Variants in CDC14A observed in about 807,000 individuals in gnomAD.
CDC14A encodes cell division cycle 14A.
CDC14A carries 53 observed loss-of-function variants against 74.4 expected under a neutral mutation model. The observed-to-expected ratio is 0.71, with a 90% CI of 0.57 to 0.89. The LOEUF is 0.89. CDC14A is among the 40% of genes least tolerant of loss of function. The pLI, the probability that CDC14A is intolerant of heterozygous loss-of-function variation, is 0.00. For synonymous variants in CDC14A, 247 were observed against 258.4 expected, an observed-to-expected ratio of 0.96 and a Z score of 0.43; for missense variants, 646 against 713.7, an observed-to-expected ratio of 0.91 and a Z score of 1.08.
At position 100,432,943 on chromosome 1, in the gene CDC14A, A is replaced by C. The variant is rs1462205200; in HGVS notation, c.390-6989A>C. ...TCACTCTGTTAGCAGGCTGGGGTGC[A>C]GTGGCCAAATTGTAGCTCACTGCAG... On this transcript the variant is annotated intron_variant, in intron 5 of 15. Transcript: ENST00000336454. Among the ~76,000 whole-genome samples, 4 of 152,310 alleles carry C rather than the reference A, an allele frequency of 2.6e-5. No homozygotes were observed. In the South Asian group the frequency reaches 8.3e-4, roughly 32 times the overall value.
intron 3 of CDC14A, among the ~76,000 whole-genome samples, chr1:100,386,620 A>AC (rs1281293767): frequency 6.6e-6 from 1 of 152,066 alleles, no homozygotes; most frequent in Non-Finnish European, 1.5e-5. Flanking sequence ...ACATAGTGAA[A>AC]CCCCATCTCT....
chr1:100,355,149 G>A (rs1188549218), intron 2 of CDC14A, among the ~76,000 whole-genome samples: 2 of 152,214 alleles, frequency 1.3e-5, no homozygotes, highest in African/African-American at 2.4e-5. Context: ...GTTATGTGCG[G>A]CTGTGTACCT....
At position 100,400,867 on chromosome 1, in the gene CDC14A, GT is replaced by G. The variant is rs1399805157; in HGVS notation, c.309+10052del. On this transcript the variant is annotated intron_variant, in intron 4 of 15. Transcript: ENST00000336454. ...AAGTTAAGGTGCATCAATCTTTTCA[GT>G]TTTTTTTTCTTTTTTTCTTTTGGCA... is the stretch of plus-strand genomic sequence containing the variant. Among the ~76,000 whole-genome samples the G allele has an allele frequency of 3.3e-5, 5 of 151,128 alleles. No individual in the cohort carries two copies. In the East Asian group the frequency reaches 7.8e-4, roughly 23 times the overall value.
In CDC14A at chr1:100,412,699, TA is replaced by T. The variant is rs1557731685; in HGVS notation, c.310-11522del. Reference sequence around the variant, plus strand: ...GTGGGTGAACTTCCTGTATGTTTTATATATATATATATATATATATATATTT... The same window carrying T: ...GTGGGTGAACTTCCTGTATGTTTTATTATATATATATATATATATATATTT... On this transcript the variant is annotated intron_variant, in intron 4 of 15. Coordinates refer to ENST00000336454, the MANE Select transcript of CDC14A (RefSeq NM_003672.4). Among the ~76,000 whole-genome samples, 40 of 38,330 alleles carry T rather than the reference TA, an allele frequency of 1.0e-3. 2 individuals are homozygous for T. Among genetic ancestry groups the T allele is most frequent in the Non-Finnish European group, 1.4e-3 (29 of 20,296 alleles). The allele number at this position is 38,330 out of a possible 152,430, so 25.1% of individuals were successfully genotyped here.
At chr1:100,393,495 TC>T in intron 4 of CDC14A, 1 of 767,908 alleles carries the variant, frequency 1.3e-6, no homozygotes. Context: ...AGCCAGTCTC[TC>T]AAATTCATTT....
intron 11 of CDC14A, among the ~76,000 whole-genome samples, chr1:100,489,347 T>C (rs2101386807): frequency 6.6e-6 from 1 of 152,330 alleles, no homozygotes; most frequent in Middle Eastern, 3.4e-3. Flanking sequence ...CTATTAGGAC[T>C]CTTCCATCTT....
Position 100,352,803 on chromosome 1 carries a change from C to A in CDC14A, c.-152C>A. 1.4e-6 allele frequency: 2 copies of A among 1,446,576 alleles called. No homozygotes were observed. Among genetic ancestry groups the A allele is most frequent in the Non-Finnish European group, 1.8e-6 (2 of 1,106,506 alleles). 89.6% of individuals were successfully genotyped at this position (1,446,576 alleles called of 1,614,324 possible). ...GCGCCCGGCGCGCTGACCCCGAAGC[C>A]GCCTCCGCCTTCGGCGCCTGCTGCC... On this transcript the variant is annotated 5_prime_UTR_variant, in exon 1 of 16. Transcript: ENST00000336454.
At chr1:100,494,767 C>CT (rs1647533176) in intron 11 of CDC14A, 51 bp from the exon 12 acceptor site, 1 of 946,574 alleles carries the variant, frequency 1.1e-6, no homozygotes, top group Non-Finnish European at 1.7e-6. Context: ...GTTAAGAAAC[C>CT]TATATAAAGC....
intron 9 of CDC14A, among the ~76,000 whole-genome samples, chr1:100,465,635 T>C (rs1557789679): frequency 6.6e-6 from 1 of 152,228 alleles, no homozygotes; most frequent in Non-Finnish European, 1.5e-5. Flanking sequence ...AATGAATATG[T>C]CATGCCTCAA....
In CDC14A at chr1:100,462,698, C is replaced by G. The variant is rs1159963539; in HGVS notation, c.655C>G (p.His219Asp). The change falls in exon 9 of 16, where the codon CAT (histidine) becomes GAT (aspartate). Residue 219 changes from histidine (H) to aspartate (D), a missense_variant. Physicochemically the swap from His to Asp is moderately conservative, Grantham distance 81. Coordinates refer to ENST00000336454, the MANE Select transcript of CDC14A (RefSeq NM_003672.4). ...AGCCTACTTTCCTTATTTCAAAAAG[C>G]ATAATGTGACTGCAGTTGTGAGGCT... ...PEAYFPYFKK[H>D]NVTAVVRLNK... 6.2e-7 allele frequency: 1 copy of G among 1,614,008 alleles called. No individual in the cohort carries two copies. Among genetic ancestry groups the G allele is most frequent in the East Asian group, 2.2e-5 (1 of 44,874 alleles).
upstream of CDC14A, among the ~76,000 whole-genome samples, chr1:100,352,001 T>G (rs1016054337): frequency 7.5e-6 from 1 of 133,850 alleles, no homozygotes; most frequent in Non-Finnish European, 1.6e-5. Flanking sequence ...TGTGTGTGTG[T>G]GTGCGCGCGC....
chr1:100,476,324 G>A (rs1668897553), intron 10 of CDC14A, among the ~76,000 whole-genome samples: 1 of 152,156 alleles, frequency 6.6e-6, no homozygotes, highest in Admixed American at 6.5e-5. Context: ...ATGGTGGCAT[G>A]TGCCTGTAAT....
At chr1:100,406,938 A>AG (rs948048498) in intron 4 of CDC14A, among the ~76,000 whole-genome samples, 201 of 152,014 alleles carry the variant, frequency 1.3e-3, no homozygotes, top group African/African-American at 4.7e-3. Flanking sequence ...AATAAAAAAA[A>AG]AAAAAAAAGA....
chr1:100,417,030 T>G (rs1661616194), intron 4 of CDC14A, among the ~76,000 whole-genome samples: 1 of 152,216 alleles, frequency 6.6e-6, no homozygotes, highest in Non-Finnish European at 1.5e-5. Context: ...GATGGAAACC[T>G]TGCTGTCATT....
chr1:100,491,657 T>C (rs1212352907), intron 11 of CDC14A, among the ~76,000 whole-genome samples: 3 of 140,280 alleles, frequency 2.1e-5, no homozygotes, highest in Admixed American at 7.4e-5. Context: ...CTGCAACCTC[T>C]GCCTCCCGGG....
chr1:100,492,937 C>T (rs1292180253), intron 11 of CDC14A, among the ~76,000 whole-genome samples: 2 of 151,954 alleles, frequency 1.3e-5, no homozygotes, highest in East Asian at 1.9e-4. Context: ...GATTCTATAA[C>T]TCTTCTTCAT....
rs1159862395 is a variant in CDC14A, at chr1:100,498,924, T to C, written c.1422-5T>C. 4 of 1,606,538 alleles carry C rather than the reference T, an allele frequency of 2.5e-6. No individual in the cohort carries two copies. Among genetic ancestry groups the C allele is most frequent in the Non-Finnish European group, 8.5e-7 (1 of 1,175,514 alleles). ...TTTCCCTCCTCACTTGTGTTTTCCA[T>C]TCAGCTTTTCCATAAACTCCCGGCT... On this transcript the variant is annotated splice_polypyrimidine_tract_variant and splice_region_variant and intron_variant, in intron 14 of 15. Transcript: ENST00000336454.
At chr1:100,426,127 G>A (rs1024432610) in intron 5 of CDC14A, among the ~76,000 whole-genome samples, 3 of 152,228 alleles carry the variant, frequency 2.0e-5, no homozygotes, top group Non-Finnish European at 4.4e-5. Flanking sequence ...ATAATTAATA[G>A]TAGTAGTAAT....
intron 11 of CDC14A, among the ~76,000 whole-genome samples, chr1:100,486,905 C>T (rs1248071287): frequency 6.6e-6 from 1 of 152,126 alleles, no homozygotes; most frequent in African/African-American, 2.4e-5. Flanking sequence ...CCATGCTTAT[C>T]TGGTGCCAGC....
Sources: allele counts gnomAD v4.1 joint callset (sites outside exome capture counted in the v4.1 genomes callset), GRCh38; gene constraint gnomAD v4.1.1; transcripts MANE v1.5; gene names NCBI Gene and HGNC (gene_info 2026-07-23, HGNC 2026-07-21).